The following CCDC146 variants were observed in gnomAD, a reference collection of about 807,000 sequenced individuals.
CCDC146 encodes coiled-coil domain containing 146.
Under a neutral mutation model 119.3 loss-of-function variants are expected in CCDC146, and 92 were observed. The observed-to-expected ratio is 0.77, with a 90% confidence interval of 0.65 to 0.92. The LOEUF is 0.92. CCDC146 is among the 40% of genes least tolerant of loss of function. The pLI is 0.00. For synonymous variants in CCDC146, 372 were observed against 371.8 expected (o/e 1.00, Z -0.01); for missense variants, 1,000 against 1,103.0 (o/e 0.91, Z 1.32).
At chr7:77,230,264 C>T (rs1792599686) in intron 2 of CCDC146, among the ~76,000 whole-genome samples, 1 of 151,978 alleles carries the variant, frequency 6.6e-6, no homozygotes, top group Non-Finnish European at 1.5e-5. Context: ...TGTGTCCAAG[C>T]TTTTATATGA....
intron 14 of CCDC146, among the ~76,000 whole-genome samples, chr7:77,281,059 T>C (rs7783597): frequency 0.37 from 55,789 of 149,868 alleles, 10,818 homozygotes; most frequent in African/African-American, 0.44. Flanking sequence ...GCTGAGATCG[T>C]GCCACTGCAC....
chr7:77,166,442 A>C (rs1791338673), intron 1 of CCDC146, among the ~76,000 whole-genome samples: 2 of 151,592 alleles, frequency 1.3e-5, no homozygotes, highest in Non-Finnish European at 1.5e-5. Context: ...ATGATCTTGC[A>C]TTTCCCAAGA....
intron 1 of CCDC146, among the ~76,000 whole-genome samples, chr7:77,161,415 A>G (rs1408016707): frequency 6.6e-6 from 1 of 152,142 alleles, no homozygotes. Flanking sequence ...AGACTGGATT[A>G]AGAAAATGTG....
chr7:77,127,278 A>G (rs1333347557), intron 1 of CCDC146, among the ~76,000 whole-genome samples: 2 of 152,110 alleles, frequency 1.3e-5, no homozygotes, highest in Non-Finnish European at 2.9e-5. Flanking sequence ...CCAAGAGGGC[A>G]GATCCTGCCT....
chr7:77,154,407 T>C (rs1355207926), intron 1 of CCDC146, among the ~76,000 whole-genome samples: 2 of 152,052 alleles, frequency 1.3e-5, no homozygotes, highest in African/African-American at 4.8e-5. Context: ...GCTGCACCCA[T>C]TAACTCATCA....
chr7:77,190,522 T>G (rs191328291), intron 2 of CCDC146, among the ~76,000 whole-genome samples: 113 of 152,156 alleles, frequency 7.4e-4, no homozygotes, highest in Admixed American at 5.7e-3. Flanking sequence ...GAATTTGGAG[T>G]GTTCCCCCAG....
chr7:77,205,600 A>G (rs1490311373), intron 2 of CCDC146, among the ~76,000 whole-genome samples: 2 of 152,210 alleles, frequency 1.3e-5, no homozygotes, highest in African/African-American at 4.8e-5. Context: ...TCTACCAAAA[A>G]TACAAAAAAT....
intron 2 of CCDC146, among the ~76,000 whole-genome samples, chr7:77,192,613 AT>A (rs1791788744): frequency 6.6e-6 from 1 of 152,214 alleles, no homozygotes; most frequent in South Asian, 2.1e-4. Context: ...TATTTGCCAG[AT>A]TTTATCTTGT....
At chr7:77,146,928 C>T (rs1791030152) in intron 1 of CCDC146, among the ~76,000 whole-genome samples, 2 of 152,102 alleles carry the variant, frequency 1.3e-5, no homozygotes, top group Non-Finnish European at 2.9e-5. Flanking sequence ...GTGGCATTCT[C>T]TGTATTTCCT....
In CCDC146 at chr7:77,231,515, C is replaced by T. The variant is rs1054037549; in HGVS notation, c.157-5432C>T. 2.0e-5 allele frequency among the ~76,000 whole-genome samples: 3 copies of T among 152,064 alleles called. No homozygotes were observed. In the East Asian group the frequency reaches 5.8e-4, roughly 29 times the overall value. On this transcript the variant is annotated intron_variant, in intron 2 of 18. Coordinates refer to ENST00000285871, the MANE Select transcript of CCDC146 (RefSeq NM_020879.3). ...AGCACATCCCCCATGAATAAGTGGG[C>T]ACTACTGCCTTCTCTACTGATCTAC...
chr7:77,206,548 G>A (rs1380008750), intron 2 of CCDC146, among the ~76,000 whole-genome samples: 1 of 151,632 alleles, frequency 6.6e-6, no homozygotes, highest in Non-Finnish European at 1.5e-5. Flanking sequence ...CAGGAAAATC[G>A]CTTGAACCCA....
intron 9 of CCDC146, among the ~76,000 whole-genome samples, chr7:77,264,471 C>T (rs1793363067): frequency 6.6e-6 from 1 of 152,182 alleles, no homozygotes; most frequent in South Asian, 2.1e-4. Context: ...GTTCGCCAGG[C>T]TGGTCTCAAA....
intron 2 of CCDC146, among the ~76,000 whole-genome samples, chr7:77,192,974 A>G (rs565582323): frequency 2.6e-5 from 4 of 152,304 alleles, no homozygotes; most frequent in Admixed American, 1.3e-4. Flanking sequence ...GCGTTGTTGA[A>G]AGTTTTTTAA....
rs1195808703 is a variant in CCDC146, at chr7:77,294,843, G to GT, written c.2847dup (p.Ile950TyrfsTer5). The GT allele has an allele frequency of 6.2e-7, 1 of 1,613,924 alleles. No homozygotes were observed. The highest frequency in any genetic ancestry group is 1.7e-5 in the Admixed American group (1 of 60,014). ...CAATATGAGGCACATAAGGAAACCT[G>GT]TTATAAAGCCAGTTGAAATCTGAAT... On this transcript the variant is annotated frameshift_variant, in exon 19 of 19. Coordinates refer to ENST00000285871, the MANE Select transcript of CCDC146 (RefSeq NM_020879.3). LOFTEE classifies it high-confidence loss of function.
intron 4 of CCDC146, among the ~76,000 whole-genome samples, chr7:77,253,825 G>A (rs1353378076): frequency 6.6e-6 from 1 of 152,222 alleles, no homozygotes; most frequent in African/African-American, 2.4e-5. Context: ...GAAGCAAGAA[G>A]TGAGCTATGC....
At chr7:77,132,856 T>A (rs1790804828) in intron 1 of CCDC146, among the ~76,000 whole-genome samples, 1 of 152,148 alleles carries the variant, frequency 6.6e-6, no homozygotes, top group Admixed American at 6.5e-5. Flanking sequence ...TTTTTTTTCT[T>A]ATCTCAATAG....
At chr7:77,195,857 T>G (rs150827490) in intron 2 of CCDC146, 5 of 160,482 alleles carry the variant, frequency 3.1e-5, no homozygotes, top group African/African-American at 7.2e-5. Context: ...GCGTTTCACA[T>G]GTTTGGCCAG....
chr7:77,144,455 T>C (rs1790984135), intron 1 of CCDC146, among the ~76,000 whole-genome samples: 1 of 151,828 alleles, frequency 6.6e-6, no homozygotes, highest in African/African-American at 2.4e-5. Flanking sequence ...AATACTATGT[T>C]GAAGAGGAGT....
At chr7:77,261,704 C>T (rs1238867521) in intron 8 of CCDC146, among the ~76,000 whole-genome samples, 2 of 152,092 alleles carry the variant, frequency 1.3e-5, no homozygotes. Flanking sequence ...GTCTCGATCT[C>T]CTGACCTCAT....
Sources: allele counts gnomAD v4.1 joint callset (sites outside exome capture counted in the v4.1 genomes callset), GRCh38; gene constraint gnomAD v4.1.1; transcripts MANE v1.5; gene names NCBI Gene and HGNC (gene_info 2026-07-23, HGNC 2026-07-21).